The following HEATR5A variants were observed in gnomAD, a reference collection of about 807,000 sequenced individuals.
HEATR5A encodes HEAT repeat-containing protein 5A.
Under a neutral mutation model 218.8 loss-of-function variants are expected in HEATR5A, and 178 were observed. The observed-to-expected ratio is 0.81, with a 90% confidence interval of 0.72 to 0.92. HEATR5A has a LOEUF of 0.92. Ranked by LOEUF, HEATR5A falls within the 40% of genes least tolerant of loss-of-function variation. The pLI is 0.00. For synonymous variants in HEATR5A, 864 were observed against 871.6 expected (o/e 0.99, Z 0.15); for missense variants, 2,420 against 2,418.9 (o/e 1.00, Z -0.01).
chr14:31,311,732 T>C lies in HEATR5A; in HGVS notation c.4441+1236A>G, dbSNP rs141508253. On this transcript the variant is annotated intron_variant, in intron 28 of 35. Coordinates refer to ENST00000543095, the MANE Select transcript of HEATR5A (RefSeq NM_015473.4). ...AGAAAACAATTGTTATAAATGAATT[T>C]CTGATGCTGCAAAAGAAACAGCACT... 3.6e-3 allele frequency among the ~76,000 whole-genome samples: 546 copies of C among 152,270 alleles called. 4 individuals carry two copies. The highest frequency in any genetic ancestry group is 0.013 in the African/African-American group (527 of 41,538).
intron 7 of HEATR5A, among the ~76,000 whole-genome samples, chr14:31,388,082 T>C (rs116525533): frequency 4.3e-4 from 65 of 152,326 alleles, no homozygotes; most frequent in African/African-American, 1.5e-3. Context: ...ACATTATAAC[T>C]CTAAGGAAAT....
chr14:31,346,147 C>T (rs1021512291), intron 19 of HEATR5A, among the ~76,000 whole-genome samples: 1 of 152,094 alleles, frequency 6.6e-6, no homozygotes, highest in Non-Finnish European at 1.5e-5. Context: ...ACTTTAAATG[C>T]TGCAAAAATG....
intron 28 of HEATR5A, among the ~76,000 whole-genome samples, chr14:31,310,513 G>A (rs533381145): frequency 4.8e-4 from 73 of 152,210 alleles, no homozygotes; most frequent in African/African-American, 1.7e-3. Context: ...GGTAGTGCAC[G>A]CCTGTAGTCC....
At chr14:31,407,444 T>C (rs1780364650) in intron 1 of HEATR5A, among the ~76,000 whole-genome samples, 1 of 152,174 alleles carries the variant, frequency 6.6e-6, no homozygotes, top group African/African-American at 2.4e-5. Flanking sequence ...ATTAGGTTAA[T>C]GTATATTATG....
intron 21 of HEATR5A, among the ~76,000 whole-genome samples, chr14:31,341,015 C>T (rs1900821640): frequency 6.6e-6 from 1 of 152,064 alleles, no homozygotes; most frequent in South Asian, 2.1e-4. Context: ...GGATTTTTGC[C>T]TAATGATGAA....
At chr14:31,394,796 C>T (rs1042938569) in intron 5 of HEATR5A, among the ~76,000 whole-genome samples, 4 of 151,926 alleles carry the variant, frequency 2.6e-5, no homozygotes, top group Admixed American at 1.3e-4. Flanking sequence ...CCAGCCTGGG[C>T]GACAGAGTCT....
At position 31,296,065 on chromosome 14, in the gene HEATR5A, T is replaced by C. The variant is rs1400538652; in HGVS notation, c.5465-2A>G. 1.6e-5 allele frequency: 25 copies of C among 1,611,486 alleles called. No homozygotes were observed. The highest frequency in any genetic ancestry group is 2.0e-5 in the Non-Finnish European group (23 of 1,177,984). On this transcript the variant is annotated splice_acceptor_variant, in intron 33 of 35. Transcript: ENST00000543095. LOFTEE classifies it high-confidence loss of function. ...CAAGTTCTTGGTGTGTTTCATCAAC[T>C]AAAGAGAAATGCTCTATTAGAAACA... is the stretch of plus-strand genomic sequence containing the variant.
At chr14:31,359,196 T>G (rs941740034) in intron 14 of HEATR5A, 139 bp from the exon 15 acceptor site, 1 of 796,664 alleles carries the variant, frequency 1.3e-6, no homozygotes, top group South Asian at 1.7e-5. Context: ...TTTCTCATCC[T>G]TGAAAACTGC....
intron 26 of HEATR5A, among the ~76,000 whole-genome samples, chr14:31,316,784 A>T (rs1899926281): frequency 6.6e-6 from 1 of 152,032 alleles, no homozygotes; most frequent in Non-Finnish European, 1.5e-5. Flanking sequence ...CTTGACCTCC[A>T]CAGGGGGATC....
At chr14:31,417,233 A>C (rs756819805) in intron 1 of HEATR5A, among the ~76,000 whole-genome samples, 2 of 152,024 alleles carry the variant, frequency 1.3e-5, no homozygotes, top group Non-Finnish European at 2.9e-5. Context: ...GCTAGAGAAA[A>C]TATAAAAACT....
chr14:31,337,518 CATG>C lies in HEATR5A; in HGVS notation c.3322_3324del (p.His1108del). The C allele has an allele frequency of 6.4e-7, 1 of 1,559,948 alleles. No individual in the cohort carries two copies. The highest frequency in any genetic ancestry group is 8.7e-7 in the Non-Finnish European group (1 of 1,151,230). ...CTGCTATCCTTAGCAAGCATAACAG[CATG>C]TTCTGAAACTTCAGCTGCTTCTCTT... is the stretch of plus-strand genomic sequence containing the variant. On this transcript the variant is annotated inframe_deletion, in exon 22 of 36. Transcript: ENST00000543095.
Position 31,343,904 on chromosome 14 carries a change from A to T in HEATR5A, c.3220T>A (p.Cys1074Ser), listed in dbSNP as rs764498818. Residue 1074 changes from cysteine to serine, a missense_variant, in exon 21 of 36, where the codon TGC becomes AGC. Physicochemically the swap from Cys to Ser is moderately radical, Grantham distance 112. Transcript: ENST00000543095. ...TACAATTCTATACTCACACAGAGGC[A>T]GCTAACCAGGCTAGACAAGTTGACA... The part of the protein sequence containing the change: ...RHVNLSSLVS[C>S]LCVNLCSPYL... 6.9e-6 allele frequency: 11 copies of T among 1,592,408 alleles called. No homozygotes were observed. The Admixed American group carries it at 2.1e-4, about 30-fold the overall frequency.
rs1490536156 is a variant in HEATR5A, at chr14:31,292,347, C to T, written c.*958G>A. On this transcript the variant is annotated 3_prime_UTR_variant, in exon 36 of 36. Transcript: ENST00000543095. ...TCCATTTGAAAAATAGTGGAAATGG[C>T]TTATTCTATTTAAAATGAGTAAGAC... 6.6e-6 allele frequency: 1 copy of T among 152,060 alleles called. No homozygotes were observed. Among genetic ancestry groups the T allele is most frequent in the African/African-American group, 2.4e-5 (1 of 41,410 alleles). 9.4% of individuals were successfully genotyped at this position (152,060 alleles called of 1,614,324 possible).
rs748988166 is a variant in HEATR5A, at chr14:31,349,824, A to T, written c.2673T>A (p.Ala891=). Residue 891 remains alanine, a synonymous_variant, in exon 18 of 36, where the codon GCT becomes GCA. Transcript: ENST00000543095. ...ARLAQVVDDG[A]FTAGLAQVSF... ...TAACTTGAGCTAATCCAGCAGTAAA[A>T]GCTCCATCATCTACCACTTGGGCTA... 6.2e-7 allele frequency: 1 copy of T among 1,613,178 alleles called. No homozygotes were observed. Among genetic ancestry groups the T allele is most frequent in the South Asian group, 1.1e-5 (1 of 90,976 alleles).
chr14:31,417,093 A>T (rs997329008), intron 1 of HEATR5A, among the ~76,000 whole-genome samples: 1 of 152,042 alleles, frequency 6.6e-6, no homozygotes, highest in Admixed American at 6.6e-5. Context: ...AACAAAAAAA[A>T]CCCTGCTTTG....
chr14:31,346,354 T>G (rs184747490), intron 19 of HEATR5A, among the ~76,000 whole-genome samples: 148 of 152,106 alleles, frequency 9.7e-4, no homozygotes, highest in Middle Eastern at 3.4e-3. Context: ...GGGTGAAAAA[T>G]GGAAACCTTG....
At chr14:31,415,414 A>G (rs1007039007) in intron 1 of HEATR5A, among the ~76,000 whole-genome samples, 1 of 152,248 alleles carries the variant, frequency 6.6e-6, no homozygotes, top group South Asian at 2.1e-4. Context: ...TGTCTGGAGC[A>G]GCACTCTGTA....
rs1384733667 is a variant in HEATR5A at position 31,305,101 on chromosome 14, T to G, written c.5043A>C (p.Gly1681=). Reference sequence around the variant, plus strand: ...CCAGTGTTGCAAAGACCAAAGACTTTCCAGGCACAAGTCCTCCGGTGTCCT... The same window carrying G: ...CCAGTGTTGCAAAGACCAAAGACTTGCCAGGCACAAGTCCTCCGGTGTCCT... ...EGKDTGGLVP[G]KSLVFATLEL... Residue 1681 remains glycine, a synonymous_variant, in exon 32 of 36, where the codon GGA becomes GGC. Coordinates refer to ENST00000543095, the MANE Select transcript of HEATR5A (RefSeq NM_015473.4). 6.2e-7 allele frequency: 1 copy of G among 1,613,990 alleles called. No homozygotes were observed. Among genetic ancestry groups the G allele is most frequent in the East Asian group, 2.2e-5 (1 of 44,890 alleles).
chr14:31,358,938 T>A lies in HEATR5A; in HGVS notation c.2191A>T (p.Ser731Cys). 1 of 1,591,986 alleles carries A rather than the reference T, an allele frequency of 6.3e-7. No homozygotes were observed. The change falls in exon 15 of 36, where the codon AGT (serine) becomes TGT (cysteine). Residue 731 changes from serine (S) to cysteine (C), a missense_variant. Coordinates refer to ENST00000543095, the MANE Select transcript of HEATR5A (RefSeq NM_015473.4). ...LCHQDDLLIL[S>C]PFLQETDHRF... is the part of the protein sequence containing the mutation. ...TGGTCAGTCTCTTGTAGGAAAGGACTTAGTATCAAAAGATCATCCTGATGA... is the reference window on the plus strand; with the variant it reads ...TGGTCAGTCTCTTGTAGGAAAGGACATAGTATCAAAAGATCATCCTGATGA...
Sources: gnomAD v4.1 joint callset for allele counts (sites outside exome capture counted in the v4.1 genomes callset) on GRCh38, gnomAD v4.1.1 for gene constraint, MANE v1.5 for transcripts, NCBI Gene and HGNC (gene_info 2026-07-23, HGNC 2026-07-21) for gene names.